Variants in RORB observed in about 807,000 individuals in gnomAD.
RORB encodes RAR related orphan receptor B.
A neutral mutation model predicts 59.1 loss-of-function variants in RORB; 6 were observed. That is an observed-to-expected ratio of 0.10 (90% CI 0.06 to 0.20). The LOEUF (loss-of-function observed/expected upper bound fraction) is 0.20, where lower values mean the gene tolerates loss of function less well. Among genes scored for constraint, RORB ranks in the 10% least tolerant of loss-of-function variants. The pLI is 1.00. For synonymous variants in RORB, 215 were observed against 204.5 expected (o/e 1.05, Z -0.44); for missense variants, 320 against 560.5 (o/e 0.57, Z 4.33).
chr9:74,520,901 A>C (rs888049828), intron 1 of RORB, among the ~76,000 whole-genome samples: 1 of 151,914 alleles, frequency 6.6e-6, no homozygotes, highest in East Asian at 1.9e-4. Context: ...ACATGAAAAT[A>C]AATGGTAAAA....
chr9:74,581,208 C>T (rs965369531), intron 1 of RORB, among the ~76,000 whole-genome samples: 47 of 152,230 alleles, frequency 3.1e-4, no homozygotes, highest in African/African-American at 1.1e-3. Flanking sequence ...AGGTCCTAAG[C>T]CCCAGAGAAA....
chr9:74,536,064 A>G (rs1826318027), intron 1 of RORB, among the ~76,000 whole-genome samples: 1 of 152,104 alleles, frequency 6.6e-6, no homozygotes, highest in Non-Finnish European at 1.5e-5. Context: ...CATAAAATAT[A>G]ACGTATTTCT....
chr9:74,552,369 A>G (rs1346489819), intron 1 of RORB, among the ~76,000 whole-genome samples: 1 of 152,160 alleles, frequency 6.6e-6, no homozygotes, highest in Non-Finnish European at 1.5e-5. Context: ...CCTGAGTTTG[A>G]ATCCTGGCCA....
chr9:74,509,928 A>G (rs1825913210), intron 1 of RORB, among the ~76,000 whole-genome samples: 1 of 152,108 alleles, frequency 6.6e-6, no homozygotes, highest in African/African-American at 2.4e-5. Context: ...ACAATATTGC[A>G]ATTTAATTTG....
intron 1 of RORB, among the ~76,000 whole-genome samples, chr9:74,576,109 TA>T (rs1486610838): frequency 2.0e-5 from 3 of 152,116 alleles, no homozygotes; most frequent in Admixed American, 2.0e-4. Flanking sequence ...AGTACATGAT[TA>T]AGTTGCAGGT....
Position 74,590,710 on chromosome 9 carries a change from A to C in RORB, c.8-39572A>C, listed in dbSNP as rs75119961. Among the ~76,000 whole-genome samples the C allele has an allele frequency of 5.6e-3, 849 of 152,348 alleles. 3 individuals carry two copies. Among genetic ancestry groups the C allele is most frequent in the African/African-American group, 0.019 (811 of 41,592 alleles). The stretch of plus-strand genomic sequence containing the variant: ...GGGGGATTTTAGATTTTGCAGACAT[A>C]CATCGTTGCCCTTTAGGAGATATTT... On this transcript the variant is annotated intron_variant, in intron 1 of 9. Transcript: ENST00000376896.
At chr9:74,501,026 A>G (rs1825797397) in intron 1 of RORB, among the ~76,000 whole-genome samples, 1 of 152,164 alleles carries the variant, frequency 6.6e-6, no homozygotes, top group African/African-American at 2.4e-5. Flanking sequence ...TAGGTGAGAA[A>G]GAAGTGAGCC....
In RORB at chr9:74,665,591, C is replaced by A; in HGVS notation, c.996C>A (p.Ala332=). Residue 332 remains alanine (A), a synonymous_variant, in exon 7 of 10, where the codon GCC becomes GCA. Coordinates refer to ENST00000376896, the MANE Select transcript of RORB (RefSeq NM_006914.4). ...GKYGGMQMFK[A]LGSDDLVNEA... The stretch of plus-strand genomic sequence containing the variant: ...ATGGAGGAATGCAAATGTTCAAAGC[C>A]TTAGGTAAGTTTCCCTTTGATGAGG... The A allele has an allele frequency of 6.2e-7, 1 of 1,602,538 alleles. No individual in the cohort carries two copies. The highest frequency in any genetic ancestry group is 8.5e-7 in the Non-Finnish European group (1 of 1,170,532).
In RORB at chr9:74,682,371, C is replaced by T. The variant is rs1312682045; in HGVS notation, c.1225-3092C>T. 2.6e-5 allele frequency among the ~76,000 whole-genome samples: 4 copies of T among 151,178 alleles called. No homozygotes were observed. The East Asian group carries it at 7.8e-4, about 30-fold the overall frequency. ...CTGGGTGCAGCACACCAACATGGCACATGTATACATATGTAACTAACCTGC... is the reference window on the plus strand; with the variant it reads ...CTGGGTGCAGCACACCAACATGGCATATGTATACATATGTAACTAACCTGC... On this transcript the variant is annotated intron_variant, in intron 9 of 9. Transcript: ENST00000376896.
chr9:74,638,809 T>C (rs1823745618), intron 3 of RORB, among the ~76,000 whole-genome samples: 1 of 152,206 alleles, frequency 6.6e-6, no homozygotes, highest in East Asian at 1.9e-4. Flanking sequence ...CACTGGCTCA[T>C]CAATGTTTCT....
At chr9:74,529,736 A>G (rs1036541529) in intron 1 of RORB, among the ~76,000 whole-genome samples, 10 of 151,998 alleles carry the variant, frequency 6.6e-5, no homozygotes, top group Middle Eastern at 3.4e-3. Flanking sequence ...ATCTTTGTAT[A>G]AAAGCATGAT....
At chr9:74,595,887 A>G (rs920121138) in intron 1 of RORB, among the ~76,000 whole-genome samples, 1 of 152,162 alleles carries the variant, frequency 6.6e-6, no homozygotes, top group Non-Finnish European at 1.5e-5. Flanking sequence ...GGCTCCTCAG[A>G]TGTCCCACAG....
At chr9:74,685,407 A>G in intron 9 of RORB, 56 bp from the exon 10 acceptor site, 1 of 1,433,708 alleles carries the variant, frequency 7.0e-7, no homozygotes, top group Non-Finnish European at 9.5e-7. Flanking sequence ...GGTTCCACAG[A>G]CAGAGCACTA....
At chr9:74,575,568 A>G (rs1563941895) in intron 1 of RORB, among the ~76,000 whole-genome samples, 1 of 152,048 alleles carries the variant, frequency 6.6e-6, no homozygotes, top group Admixed American at 6.6e-5. Flanking sequence ...ATTTACTATT[A>G]TTATCTTCCA....
chr9:74,607,509 G>C (rs955339742), intron 1 of RORB, among the ~76,000 whole-genome samples: 28 of 152,050 alleles, frequency 1.8e-4, no homozygotes, highest in African/African-American at 6.3e-4. Context: ...CATTTCAGAA[G>C]TTAGAAATAA....
intron 1 of RORB, among the ~76,000 whole-genome samples, chr9:74,534,837 C>G (rs553270880): frequency 6.6e-6 from 1 of 152,198 alleles, no homozygotes; most frequent in African/African-American, 2.4e-5. Context: ...GACATTACTT[C>G]GTCTTTTTCT....
intron 1 of RORB, among the ~76,000 whole-genome samples, chr9:74,607,133 G>T (rs1823161209): frequency 6.6e-6 from 1 of 152,194 alleles, no homozygotes; most frequent in African/African-American, 2.4e-5. Context: ...TCAGCAACAT[G>T]CAAAATTACT....
intron 4 of RORB, among the ~76,000 whole-genome samples, chr9:74,649,164 G>C (rs1358445351): frequency 6.6e-6 from 1 of 151,960 alleles, no homozygotes; most frequent in Admixed American, 6.6e-5. Context: ...TGACTAGGCT[G>C]GTCTTGAACT....
At chr9:74,671,124 G>A (rs1160609870) in intron 8 of RORB, among the ~76,000 whole-genome samples, 1 of 151,610 alleles carries the variant, frequency 6.6e-6, no homozygotes, top group African/African-American at 2.4e-5. Context: ...GGAAATAAGT[G>A]TGGGAGGGAG....
Sources: allele counts gnomAD v4.1 joint callset (sites outside exome capture counted in the v4.1 genomes callset), GRCh38; gene constraint gnomAD v4.1.1; transcripts MANE v1.5; gene names NCBI Gene and HGNC (gene_info 2026-07-23, HGNC 2026-07-21).